LDLRAD3: variants seen among roughly 807,000 people sequenced by gnomAD.
LDLRAD3 encodes the protein low density lipoprotein receptor class A domain containing 3, also known as low-density lipoprotein receptor class A domain-containing protein 3.
In LDLRAD3, 20 loss-of-function variants were observed where a neutral mutation model predicts 29.4. The observed-to-expected ratio is 0.68, with a 90% CI of 0.48 to 0.99. The LOEUF (loss-of-function observed/expected upper bound fraction) is 0.99. LDLRAD3 is among the 50% of genes least tolerant of loss of function. LDLRAD3 has a pLI of 0.00. For missense variants in LDLRAD3, 420 were observed against 454.3 expected (o/e 0.92, Z 0.69); for synonymous variants, 157 against 192.7 (o/e 0.81, Z 1.53).
chr11:36,223,421 T>G lies in LDLRAD3; in HGVS notation c.455-3664T>G, dbSNP rs182862924. ...TTTCTGTGTGACAGTTTACCCACTT[T>G]CCTCCTTTAAGAAATACATTTCACT... On this transcript the variant is annotated intron_variant, in intron 4 of 5. Coordinates refer to ENST00000315571, the MANE Select transcript of LDLRAD3 (RefSeq NM_174902.4). 2.1e-3 allele frequency among the ~76,000 whole-genome samples: 315 copies of G among 152,308 alleles called. 2 individuals are homozygous for G. The highest frequency in any genetic ancestry group is 7.3e-3 in the African/African-American group (303 of 41,576).
intron 2 of LDLRAD3, among the ~76,000 whole-genome samples, chr11:36,075,833 T>C (rs1050168397): frequency 5.9e-5 from 9 of 152,262 alleles, no homozygotes; most frequent in Non-Finnish European, 1.3e-4. Context: ...CTCTGTGTCA[T>C]AATCTGATAC....
At chr11:36,009,403 A>T (rs1271058970) in intron 1 of LDLRAD3, among the ~76,000 whole-genome samples, 1 of 152,178 alleles carries the variant, frequency 6.6e-6, no homozygotes, top group African/African-American at 2.4e-5. Context: ...TATCCTGGTC[A>T]CCTGGATTTA....
Position 36,001,291 on chromosome 11 carries a change from T to C in LDLRAD3, c.47-34812T>C, listed in dbSNP as rs1363109443. 3 of 152,348 alleles carry C rather than the reference T, an allele frequency of 2.0e-5. No individual in the cohort carries two copies. The East Asian group carries it at 5.8e-4, about 29-fold the overall frequency. The allele number at this position is 152,348 out of a possible 1,614,324, so 9.4% of individuals were successfully genotyped here. The stretch of plus-strand genomic sequence containing the variant: ...TATGTATACATGTGCCATGTTGGTG[T>C]GCCGCACCCATTAACTCGTCATTTA... On this transcript the variant is annotated intron_variant, in intron 1 of 5. Transcript: ENST00000315571.
At chr11:36,149,621 G>C (rs911843279) in intron 4 of LDLRAD3, among the ~76,000 whole-genome samples, 2 of 152,208 alleles carry the variant, frequency 1.3e-5, no homozygotes, top group Admixed American at 1.3e-4. Flanking sequence ...AGAGCTGTGA[G>C]TCTGCTTCTG....
In LDLRAD3 at chr11:36,205,985, G is replaced by A. The variant is rs1233362954; in HGVS notation, c.455-21100G>A. On this transcript the variant is annotated intron_variant, in intron 4 of 5. Transcript: ENST00000315571. Reference sequence around the variant, plus strand: ...TGTCTCCTTGTTGCTCTGGGTGGAAGTATCACCAGAAGAAGCACTTGATGT... The same window carrying A: ...TGTCTCCTTGTTGCTCTGGGTGGAAATATCACCAGAAGAAGCACTTGATGT... Among the ~76,000 whole-genome samples the A allele has an allele frequency of 2.0e-5, 3 of 152,220 alleles. No homozygotes were observed. The East Asian group carries it at 5.8e-4, about 29-fold the overall frequency.
At chr11:36,057,599 G>A (rs1852640190) in intron 2 of LDLRAD3, among the ~76,000 whole-genome samples, 1 of 152,118 alleles carries the variant, frequency 6.6e-6, no homozygotes, top group Non-Finnish European at 1.5e-5. Flanking sequence ...AAGCGGTACT[G>A]GACACTGCAG....
intron 4 of LDLRAD3, among the ~76,000 whole-genome samples, chr11:36,143,855 C>T (rs4756287): frequency 0.36 from 53,641 of 150,818 alleles, 10,705 homozygotes; most frequent in East Asian, 0.62. Flanking sequence ...AATCACTTCT[C>T]GAAAGACCTT....
chr11:36,051,679 C>T lies in LDLRAD3; in HGVS notation c.193+15430C>T, dbSNP rs141084154. ...AGTCACCAGACTAACCATAATGACA[C>T]GACTCATAAATTTTCGGAATGAATA... On this transcript the variant is annotated intron_variant, in intron 2 of 5. Coordinates refer to ENST00000315571, the MANE Select transcript of LDLRAD3 (RefSeq NM_174902.4). 3.6e-3 allele frequency among the ~76,000 whole-genome samples: 552 copies of T among 151,958 alleles called. 3 individuals carry two copies. Among genetic ancestry groups the T allele is most frequent in the Admixed American group, 7.5e-3 (114 of 15,260 alleles).
chr11:36,038,014 G>A (rs542532330), intron 2 of LDLRAD3, among the ~76,000 whole-genome samples: 14 of 152,158 alleles, frequency 9.2e-5, no homozygotes. Context: ...CTCCCACTTT[G>A]ATCCCCCTAG....
At chr11:36,145,052 A>C (rs1854160054) in intron 4 of LDLRAD3, among the ~76,000 whole-genome samples, 1 of 88,956 alleles carries the variant, frequency 1.1e-5, no homozygotes. Flanking sequence ...GGCCGCCTCT[A>C]CTGGGAAGAG....
At chr11:35,987,552 C>A (rs1161415640) in intron 1 of LDLRAD3, among the ~76,000 whole-genome samples, 1 of 152,138 alleles carries the variant, frequency 6.6e-6, no homozygotes, top group Non-Finnish European at 1.5e-5. Flanking sequence ...AGGATAATGG[C>A]CACCAGCTGC....
chr11:36,058,477 C>T lies in LDLRAD3; in HGVS notation c.193+22228C>T, dbSNP rs112806995. On this transcript the variant is annotated intron_variant, in intron 2 of 5. Transcript: ENST00000315571. The stretch of plus-strand genomic sequence containing the variant: ...TCCCTGGCATCGGGTTTGGCTGACA[C>T]TCATTGTGGACTGTTTGAATGAATG... Among the ~76,000 whole-genome samples the T allele has an allele frequency of 2.6e-5, 4 of 152,326 alleles. 1 individual carries two copies. Among genetic ancestry groups the T allele is most frequent in the African/African-American group, 9.6e-5 (4 of 41,576 alleles).
intron 3 of LDLRAD3, among the ~76,000 whole-genome samples, chr11:36,083,773 CA>C (rs747975715): frequency 0.1 from 12,621 of 122,328 alleles, 605 homozygotes; most frequent in South Asian, 0.19. Flanking sequence ...CACACACACA[CA>C]CACACACCCC....
At chr11:36,207,334 G>C (rs940408267) in intron 4 of LDLRAD3, among the ~76,000 whole-genome samples, 1 of 152,118 alleles carries the variant, frequency 6.6e-6, no homozygotes, top group African/African-American at 2.4e-5. Context: ...TTGATAACCT[G>C]GTATTGGAAG....
intron 1 of LDLRAD3, among the ~76,000 whole-genome samples, chr11:35,993,127 T>C (rs1851710074): frequency 6.6e-6 from 1 of 152,204 alleles, no homozygotes. Flanking sequence ...TATAAATGAC[T>C]GAGTTGAGAC....
At chr11:36,215,250 C>G (rs971252207) in intron 4 of LDLRAD3, among the ~76,000 whole-genome samples, 1 of 152,060 alleles carries the variant, frequency 6.6e-6, no homozygotes, top group East Asian at 1.9e-4. Flanking sequence ...AGAGTAGCAA[C>G]GGGGATGAGA....
At chr11:36,168,857 C>T (rs148767078) in intron 4 of LDLRAD3, among the ~76,000 whole-genome samples, 56 of 152,244 alleles carry the variant, frequency 3.7e-4, no homozygotes, top group African/African-American at 1.3e-3. Flanking sequence ...CTCTCTAATT[C>T]ATCAAATTAA....
chr11:35,949,020 C>G lies in LDLRAD3; in HGVS notation c.46+4876C>G, dbSNP rs140084953. Among the ~76,000 whole-genome samples, 872 of 151,840 alleles carry G rather than the reference C, an allele frequency of 5.7e-3. 10 individuals are homozygous for G. The highest frequency in any genetic ancestry group is 0.02 in the African/African-American group (834 of 41,380). On this transcript the variant is annotated intron_variant, in intron 1 of 5. Coordinates refer to ENST00000315571, the MANE Select transcript of LDLRAD3 (RefSeq NM_174902.4). The stretch of plus-strand genomic sequence containing the variant: ...TGAGCATCATTACTGTGCATCATTA[C>G]TGTGCATCATTACTGTGCATCATTA...
At chr11:36,091,302 T>C (rs2133266602) in intron 3 of LDLRAD3, among the ~76,000 whole-genome samples, 1 of 152,300 alleles carries the variant, frequency 6.6e-6, no homozygotes, top group African/African-American at 2.4e-5. Context: ...TCACAGACTT[T>C]AAATGAATTA....
Sources: gnomAD v4.1 joint callset for allele counts (sites outside exome capture counted in the v4.1 genomes callset) on GRCh38, gnomAD v4.1.1 for gene constraint, MANE v1.5 for transcripts, NCBI Gene and HGNC (gene_info 2026-07-23, HGNC 2026-07-21) for gene names.